RAB6A: variants seen among roughly 807,000 people sequenced by gnomAD.
RAB6A encodes the protein ras-related protein Rab-6A.
RAB6A carries 8 observed loss-of-function variants against 32.3 expected under a neutral mutation model. The observed-to-expected ratio is 0.25, with a 90% CI of 0.15 to 0.45. RAB6A has a LOEUF of 0.45. Among genes scored for constraint, RAB6A ranks in the 20% least tolerant of loss-of-function variants. RAB6A has a pLI of 1.00. For synonymous variants in RAB6A, 73 were observed against 82.1 expected, an observed-to-expected ratio of 0.89 and a Z score of 0.60; for missense variants, 104 against 249.4, an observed-to-expected ratio of 0.42 and a Z score of 3.93.
intron 1 of RAB6A, among the ~76,000 whole-genome samples, chr11:73,745,413 T>C (rs1946571762): frequency 6.6e-6 from 1 of 152,076 alleles, no homozygotes; most frequent in Admixed American, 6.6e-5. Flanking sequence ...AAAATGAAAG[T>C]GGATACAACT....
chr11:73,759,589 T>C (rs918391872), intron 1 of RAB6A, among the ~76,000 whole-genome samples: 1 of 152,208 alleles, frequency 6.6e-6, no homozygotes, highest in East Asian at 1.9e-4. Flanking sequence ...AAAACAAAGA[T>C]GTTTGTTATT....
intron 6 of RAB6A, among the ~76,000 whole-genome samples, chr11:73,702,169 T>G (rs1354756706): frequency 6.6e-6 from 1 of 152,148 alleles, no homozygotes; most frequent in Non-Finnish European, 1.5e-5. Context: ...TATAAGGTGT[T>G]TTTTTGTTTA....
chr11:73,735,988 CTT>C (rs1325790837), intron 1 of RAB6A, among the ~76,000 whole-genome samples: 2 of 140,552 alleles, frequency 1.4e-5, no homozygotes, highest in Non-Finnish European at 3.1e-5. Context: ...AATTCACCTA[CTT>C]TTTTTTTTTT....
intron 1 of RAB6A, among the ~76,000 whole-genome samples, chr11:73,736,472 G>A (rs1417323138): frequency 6.6e-6 from 1 of 150,818 alleles, no homozygotes; most frequent in Non-Finnish European, 1.5e-5. Context: ...AGTAATTCTA[G>A]ATGAAGGTAT....
Position 73,718,648 on chromosome 11 carries a change from T to C in RAB6A, c.254A>G (p.Asp85Gly), listed in dbSNP as rs1161747920. 6.2e-7 allele frequency: 1 copy of C among 1,613,638 alleles called. No individual in the cohort carries two copies. The highest frequency in any genetic ancestry group is 8.5e-7 in the Non-Finnish European group (1 of 1,179,850). The change falls in exon 4 of 8, where the codon GAC becomes GGC. Residue 85 changes from aspartate (D) to glycine (G), a missense_variant. Physicochemically the swap from Asp to Gly is moderately conservative, Grantham distance 94 (BLOSUM62 -1). Transcript: ENST00000336083. ...ATAAACAACAACTGCCACAGTGGAG[T>C]CACGAATGTAGCTAGGAATCAAGCT... Reference protein sequence around the residue: ...FRSLIPSYIRDSTVAVVVYDI... With the variant: ...FRSLIPSYIRGSTVAVVVYDI...
intron 6 of RAB6A, among the ~76,000 whole-genome samples, chr11:73,696,784 T>G (rs1945662764): frequency 6.6e-6 from 1 of 151,858 alleles, no homozygotes; most frequent in Non-Finnish European, 1.5e-5. Flanking sequence ...TTTTTTTTTT[T>G]GCAGACACAC....
At position 73,760,964 on chromosome 11, in the gene RAB6A, A is replaced by G. The variant is rs907282872; in HGVS notation, c.-329T>C. 20 of 282,036 alleles carry G rather than the reference A, an allele frequency of 7.1e-5. No individual in the cohort carries two copies. The highest frequency in any genetic ancestry group is 4.0e-4 in the African/African-American group (18 of 45,262). 17.5% of individuals were successfully genotyped at this position (282,036 alleles called of 1,614,324 possible). ...CCGCACTCGGCTCCCAGACCTGGGG[A>G]AGAGAAGCTGAGGGTGGCGGAGCCG... is the stretch of plus-strand genomic sequence containing the variant. On this transcript the variant is annotated 5_prime_UTR_variant, in exon 1 of 8. Transcript: ENST00000336083.
chr11:73,715,216 C>A (rs1230896598), intron 5 of RAB6A, among the ~76,000 whole-genome samples: 2 of 151,990 alleles, frequency 1.3e-5, no homozygotes, highest in African/African-American at 4.8e-5. Flanking sequence ...AACCTCCGCT[C>A]CCCTGGTTCA....
At chr11:73,712,311 CT>C (rs1945968996) in intron 5 of RAB6A, among the ~76,000 whole-genome samples, 1 of 151,934 alleles carries the variant, frequency 6.6e-6, no homozygotes, top group African/African-American at 2.4e-5. Flanking sequence ...GAGGTACCAC[CT>C]TCATACTTAT....
chr11:73,754,264 A>G (rs905280020), intron 1 of RAB6A, among the ~76,000 whole-genome samples: 1 of 152,230 alleles, frequency 6.6e-6, no homozygotes, highest in Admixed American at 6.5e-5. Flanking sequence ...TGGCAACATT[A>G]TAACAGGAGA....
At chr11:73,756,438 T>C (rs1037652117) in intron 1 of RAB6A, among the ~76,000 whole-genome samples, 6 of 152,142 alleles carry the variant, frequency 3.9e-5, no homozygotes, top group African/African-American at 1.4e-4. Flanking sequence ...TTGATCAGCA[T>C]TGATGGAAAA....
intron 6 of RAB6A, among the ~76,000 whole-genome samples, chr11:73,697,279 C>A (rs1185491622): frequency 6.6e-6 from 1 of 152,016 alleles, no homozygotes; most frequent in Non-Finnish European, 1.5e-5. Flanking sequence ...ATCATAATTC[C>A]CTTCACCAGT....
In RAB6A at chr11:73,719,777, A is replaced by G. The variant is rs538367774; in HGVS notation, c.184-1059T>C. On this transcript the variant is annotated intron_variant, in intron 3 of 7. Coordinates refer to ENST00000336083, the MANE Select transcript of RAB6A (RefSeq NM_198896.2). ...ATTACAGGCGCCCGCCACCACGCCC[A>G]GCTAATTTTTGTATTTTTAGAAAAG... Among the ~76,000 whole-genome samples the G allele has an allele frequency of 2.8e-3, 424 of 151,136 alleles. 2 individuals are homozygous for G. Among genetic ancestry groups the G allele is most frequent in the African/African-American group, 9.5e-3 (391 of 41,156 alleles).
intron 7 of RAB6A, among the ~76,000 whole-genome samples, chr11:73,679,260 T>C (rs557654262): frequency 6.6e-6 from 1 of 152,192 alleles, no homozygotes. Context: ...GAGGCTACAA[T>C]AAAGCTCCAC....
intron 6 of RAB6A, among the ~76,000 whole-genome samples, chr11:73,707,168 A>G (rs1316925146): frequency 6.6e-6 from 1 of 151,994 alleles, no homozygotes; most frequent in Non-Finnish European, 1.5e-5. Flanking sequence ...CTTTAAAGCA[A>G]TGTAGTAGGA....
intron 1 of RAB6A, among the ~76,000 whole-genome samples, chr11:73,745,990 T>C (rs536047831): frequency 3.3e-5 from 5 of 150,146 alleles, no homozygotes; most frequent in Admixed American, 3.3e-4. Flanking sequence ...AGAGTGAGAC[T>C]CCATCTCAAA....
intron 6 of RAB6A, among the ~76,000 whole-genome samples, chr11:73,688,137 G>A (rs766371734): frequency 1.3e-5 from 2 of 152,180 alleles, no homozygotes; most frequent in Non-Finnish European, 2.9e-5. Flanking sequence ...TAATAAGTAT[G>A]AGAGGAGATT....
chr11:73,737,617 A>C (rs1946420167), intron 1 of RAB6A, among the ~76,000 whole-genome samples: 1 of 152,198 alleles, frequency 6.6e-6, no homozygotes, highest in South Asian at 2.1e-4. Flanking sequence ...ACACAGATAC[A>C]ATGGGATGAA....
intron 1 of RAB6A, among the ~76,000 whole-genome samples, chr11:73,743,608 T>A (rs1221587582): frequency 6.6e-6 from 1 of 151,772 alleles, no homozygotes; most frequent in East Asian, 1.9e-4. Flanking sequence ...TATGGCGAGA[T>A]CCTGTCTCAG....
Sources: gnomAD v4.1 joint callset for allele counts (sites outside exome capture counted in the v4.1 genomes callset) on GRCh38, gnomAD v4.1.1 for gene constraint, MANE v1.5 for transcripts, NCBI Gene and HGNC (gene_info 2026-07-23, HGNC 2026-07-21) for gene names.